The following CCDC200 variants were observed in gnomAD, a reference collection of about 807,000 sequenced individuals.
CCDC200 encodes the protein coiled-coil domain containing 200.
chr17:43,224,468 G>A lies in CCDC200; in HGVS notation c.187C>T (p.Pro63Ser), dbSNP rs1376138499. The A allele has an allele frequency of 6.5e-6, 1 of 154,278 alleles. No homozygotes were observed. The highest frequency in any genetic ancestry group is 6.5e-5 in the Admixed American group (1 of 15,268). 9.6% of individuals were successfully genotyped at this position (154,278 alleles called of 1,614,324 possible). The change falls in exon 2 of 4, where the codon CCA becomes TCA. Residue 63 changes from proline to serine, a missense_variant. By Grantham distance (74) the Pro-to-Ser change is moderately conservative. Transcript: ENST00000636331. Reference protein sequence around the residue: ...PHKKLNVPQPPVAKLWTSQEQ... With the variant: ...PHKKLNVPQPSVAKLWTSQEQ... Reference sequence around the variant, plus strand: ...TGTGATGTCCACAATTTCGCCACTGGTGGTTGCGGCACATTTAACTTCTTA... The same window carrying A: ...TGTGATGTCCACAATTTCGCCACTGATGGTTGCGGCACATTTAACTTCTTA...
intron 1 of CCDC200, among the ~76,000 whole-genome samples, chr17:43,227,298 G>A (rs1399161812): frequency 1.3e-5 from 2 of 151,156 alleles, no homozygotes; most frequent in Non-Finnish European, 2.9e-5. Flanking sequence ...ACTGGAGCAA[G>A]ACTCCATCTC....
intron 1 of CCDC200, among the ~76,000 whole-genome samples, chr17:43,227,545 C>T (rs1174324640): frequency 6.6e-6 from 1 of 151,884 alleles, no homozygotes; most frequent in Non-Finnish European, 1.5e-5. Context: ...AGTGCAGTGG[C>T]ACTATCTTGG....
At position 43,223,246 on chromosome 17, in the gene CCDC200, A is replaced by ATTTTTTTTTT. The variant is rs1382906549; in HGVS notation, c.480+300_480+309dup. 4.7e-3 allele frequency among the ~76,000 whole-genome samples: 399 copies of ATTTTTTTTTT among 84,642 alleles called. 1 individual carries two copies. The highest frequency in any genetic ancestry group is 0.011 in the Middle Eastern group (1 of 90). 55.5% of individuals were successfully genotyped at this position (84,642 alleles called of 152,430 possible). On this transcript the variant is annotated intron_variant, in intron 3 of 3. Transcript: ENST00000636331. ...TTTCAATTTTTTTCAATTTTTTTCAATTTTTTTTTTTTTTTGGAGATGTCT... is the reference window on the plus strand; with the variant it reads ...TTTCAATTTTTTTCAATTTTTTTCAATTTTTTTTTTTTTTTTTTTTTTTTTGGAGATGTCT...
At chr17:43,222,988 T>C (rs2057543417) in intron 3 of CCDC200, among the ~76,000 whole-genome samples, 1 of 151,854 alleles carries the variant, frequency 6.6e-6, no homozygotes, top group Non-Finnish European at 1.5e-5. Flanking sequence ...AGGATGGTCT[T>C]GATCTCTTGA....
intron 1 of CCDC200, among the ~76,000 whole-genome samples, chr17:43,227,199 G>T (rs78352931): frequency 6.6e-6 from 1 of 151,572 alleles, no homozygotes; most frequent in Non-Finnish European, 1.5e-5. Flanking sequence ...GGCTGGTCTC[G>T]AACTCCTGAC....
chr17:43,227,282 A>G (rs2057576039), intron 1 of CCDC200, among the ~76,000 whole-genome samples: 1 of 151,668 alleles, frequency 6.6e-6, no homozygotes, highest in Non-Finnish European at 1.5e-5. Context: ...CCCGGCTGGG[A>G]GCAAGACTGG....
At chr17:43,224,782 G>C (rs1341986972) in intron 1 of CCDC200, 1 of 152,232 alleles carries the variant, frequency 6.6e-6, no homozygotes, top group Non-Finnish European at 1.5e-5. Flanking sequence ...CACTCTCTCT[G>C]AGCACCTGCT....
chr17:43,225,353 C>T (rs1414553054), intron 1 of CCDC200, among the ~76,000 whole-genome samples: 1 of 151,782 alleles, frequency 6.6e-6, no homozygotes, highest in Non-Finnish European at 1.5e-5. Context: ...TTTGAAATAG[C>T]AGTGTCAAAT....
At chr17:43,227,583 C>G (rs1434730166) in intron 1 of CCDC200, among the ~76,000 whole-genome samples, 11 of 152,112 alleles carry the variant, frequency 7.2e-5, no homozygotes, top group Admixed American at 5.9e-4. Context: ...CTCACTGATT[C>G]AAGTGATTCT....
At chr17:43,225,528 TGGCA>T (rs1350341096) in intron 1 of CCDC200, among the ~76,000 whole-genome samples, 1 of 146,708 alleles carries the variant, frequency 6.8e-6, no homozygotes, top group East Asian at 2.1e-4. Context: ...TTGGGCTTGG[TGGCA>T]GGCACCTGTA....
At chr17:43,230,763 G>GAGGTCAGGAGATCGAGACCAT (rs1290681265), upstream of CCDC200, among the ~76,000 whole-genome samples, 8 of 75,364 alleles carry the variant, frequency 1.1e-4, no homozygotes, top group African/African-American at 2.7e-4. Context: ...GGCAGATCAT[G>GAGGTCAGGAGATCGAGACCAT]AGGTCAGGAG....
At chr17:43,226,125 G>A (rs2057568107) in intron 1 of CCDC200, 1 of 152,192 alleles carries the variant, frequency 6.6e-6, no homozygotes, top group African/African-American at 2.4e-5. Context: ...GAGACAGGAG[G>A]ATTGTTTGAA....
intron 1 of CCDC200, among the ~76,000 whole-genome samples, chr17:43,225,416 G>A (rs1447460466): frequency 6.6e-6 from 1 of 151,196 alleles, no homozygotes; most frequent in African/African-American, 2.4e-5. Context: ...TGTCATCCCA[G>A]CACTTTGGGA....
upstream of CCDC200, among the ~76,000 whole-genome samples, chr17:43,231,012 C>A (rs1186424725): frequency 5.4e-4 from 49 of 91,552 alleles, 14 homozygotes; most frequent in Non-Finnish European, 7.4e-4. Context: ...GGGCCAGTGG[C>A]TCACACCTGT....
intron 3 of CCDC200, among the ~76,000 whole-genome samples, chr17:43,222,126 C>A (rs1386404064): frequency 6.6e-6 from 1 of 151,670 alleles, no homozygotes; most frequent in East Asian, 1.9e-4. Flanking sequence ...AGTTTGATAG[C>A]CTACAATGAG....
At chr17:43,227,307 T>C (rs1168994850) in intron 1 of CCDC200, among the ~76,000 whole-genome samples, 2 of 150,112 alleles carry the variant, frequency 1.3e-5, no homozygotes, top group Admixed American at 6.6e-5. Context: ...AGACTCCATC[T>C]CAAAAAAAAA....
At chr17:43,226,935 T>G (rs1426552509) in intron 1 of CCDC200, among the ~76,000 whole-genome samples, 1 of 152,148 alleles carries the variant, frequency 6.6e-6, no homozygotes, top group Non-Finnish European at 1.5e-5. Context: ...GCTTAAAATT[T>G]TTCCAGTATG....
intron 1 of CCDC200, among the ~76,000 whole-genome samples, chr17:43,227,261 G>C (rs2057575848): frequency 6.6e-6 from 1 of 151,892 alleles, no homozygotes; most frequent in Non-Finnish European, 1.5e-5. Context: ...TTACAGGTGT[G>C]AGCCACTGTG....
Position 43,224,272 on chromosome 17 carries a change from T to G in CCDC200, c.383A>C (p.His128Pro), listed in dbSNP as rs2057552669. 6.5e-6 allele frequency: 1 copy of G among 154,538 alleles called. No individual in the cohort carries two copies. The highest frequency in any genetic ancestry group is 2.4e-5 in the African/African-American group (1 of 41,452). The allele number at this position is 154,538 out of a possible 1,614,324, so 9.6% of individuals were successfully genotyped here. A position where few individuals can be genotyped will look rare whatever the true frequency, so the allele number is the denominator to read the frequency against. ...ATCCTGGAGATTGCATTTGGAGGTGTGCTGAGTACAACGGGCTTGAGCACT... is the reference window on the plus strand; with the variant it reads ...ATCCTGGAGATTGCATTTGGAGGTGGGCTGAGTACAACGGGCTTGAGCACT... ...QPSAQARCTQ[H>P]TSKCNLQDSQ... Residue 128 changes from histidine (H) to proline (P), a missense_variant, in exon 2 of 4, where the codon CAC becomes CCC. By Grantham distance (77) the His-to-Pro change is moderately conservative (BLOSUM62 -2). Transcript: ENST00000636331.
Sources: gnomAD v4.1 joint callset for allele counts (sites outside exome capture counted in the v4.1 genomes callset) on GRCh38, gnomAD v4.1.1 for gene constraint, MANE v1.5 for transcripts, NCBI Gene and HGNC (gene_info 2026-07-23, HGNC 2026-07-21) for gene names.